Variants in CUX1 observed in about 807,000 individuals in gnomAD.
CUX1 encodes the protein cut like homeobox 1.
Under a neutral mutation model 158.8 loss-of-function variants are expected in CUX1, and 31 were observed. The ratio of observed to expected loss-of-function variants is 0.20; its 90% CI spans 0.15 to 0.26. The LOEUF (loss-of-function observed/expected upper bound fraction) is 0.26, where lower values mean the gene tolerates loss of function less well. CUX1 is among the 10% of genes least tolerant of loss of function. CUX1 has a pLI of 1.00. For missense variants in CUX1, 1,589 were observed against 2,014.6 expected, an observed-to-expected ratio of 0.79 and a Z score of 4.04; for synonymous variants, 879 against 862.1, an observed-to-expected ratio of 1.02 and a Z score of -0.34.
rs181013290 is a variant in CUX1 at position 102,014,704 on chromosome 7, T to C, written c.142-13394T>C. The stretch of plus-strand genomic sequence containing the variant: ...TCTGAGCGTCTTTAAACATAAAATC[T>C]AGTTTCAAAGGTTTAAATTCCCAAG... On this transcript the variant is annotated intron_variant, in intron 2 of 23. Coordinates refer to ENST00000292535, the MANE Select transcript of CUX1 (RefSeq NM_181552.4). 1.8e-4 allele frequency among the ~76,000 whole-genome samples: 27 copies of C among 152,240 alleles called. 1 individual carries two copies. The East Asian group carries it at 4.4e-3, about 25-fold the overall frequency.
At chr7:102,160,844 A>C (rs1477159970) in intron 9 of CUX1, among the ~76,000 whole-genome samples, 3 of 152,210 alleles carry the variant, frequency 2.0e-5, no homozygotes, top group Non-Finnish European at 4.4e-5. Flanking sequence ...TTGCAAGATG[A>C]AAACATTCTG....
At chr7:102,041,328 C>T (rs1822069896) in intron 3 of CUX1, among the ~76,000 whole-genome samples, 1 of 125,080 alleles carries the variant, frequency 8.0e-6, no homozygotes, top group Non-Finnish European at 1.6e-5. Flanking sequence ...TGCAGTGGCT[C>T]ACCATAATCT....
At chr7:101,816,715 C>T (rs1791844645), upstream of CUX1, among the ~76,000 whole-genome samples, 1 of 144,740 alleles carries the variant, frequency 6.9e-6, no homozygotes, top group South Asian at 2.1e-4. Context: ...GGGCTGGTGG[C>T]GCTGTGGTGC....
chr7:101,867,236 AAG>A (rs947933521), intron 1 of CUX1, among the ~76,000 whole-genome samples: 10 of 152,226 alleles, frequency 6.6e-5, no homozygotes, highest in African/African-American at 2.2e-4. Context: ...GAAGTAAAAA[AAG>A]AGAGAGAGAA....
intron 2 of CUX1, among the ~76,000 whole-genome samples, chr7:101,958,479 C>CTTTTTTTT (rs11433173): frequency 5.4e-5 from 6 of 112,098 alleles, no homozygotes; most frequent in Non-Finnish European, 6.9e-5. Context: ...ATTTTCTTTT[C>CTTTTTTTT]TTTTTTTTTT....
Position 102,196,942 on chromosome 7 carries a change from C to T in CUX1, c.1531C>T (p.Pro511Ser). ...GSTSMIFSTG[P>S]YSTNSISSQS... ...CACAAGCATGATTTTTTCAACAGGT[C>T]CATACAGCACAAACTCCATATCTTC... Residue 511 changes from proline to serine, a missense_variant, in exon 15 of 24, where the codon CCA (proline) becomes TCA (serine). Around this residue, in one of 8 missense-constraint regions of CUX1, gnomAD observed 515 missense variants for 574.4 expected, o/e 0.90. Coordinates refer to ENST00000292535, the MANE Select transcript of CUX1 (RefSeq NM_181552.4). 1 of 1,614,190 alleles carries T rather than the reference C, an allele frequency of 6.2e-7. No homozygotes were observed. The highest frequency in any genetic ancestry group is 1.7e-5 in the Admixed American group (1 of 60,018).
At chr7:101,868,859 A>G (rs1798192795) in intron 1 of CUX1, among the ~76,000 whole-genome samples, 1 of 152,200 alleles carries the variant, frequency 6.6e-6, no homozygotes, top group African/African-American at 2.4e-5. Context: ...GGGAAGGGAC[A>G]GAACGGGAGC....
chr7:102,231,319 T>C (rs1016877902), intron 21 of CUX1, among the ~76,000 whole-genome samples: 15 of 131,040 alleles, frequency 1.1e-4, no homozygotes, highest in Admixed American at 8.6e-4. Context: ...CGTGAGCCAC[T>C]GCGCCCAGCC....
chr7:102,060,592 TACAC>T (rs1394583481), intron 3 of CUX1, among the ~76,000 whole-genome samples: 1 of 86,954 alleles, frequency 1.2e-5, no homozygotes, highest in Non-Finnish European at 2.5e-5. Flanking sequence ...TATATATATA[TACAC>T]ACACACAAAT....
rs556974377 is a variant in CUX1 at position 102,071,208 on chromosome 7, CT to C, written c.268+792del. On this transcript the variant is annotated intron_variant, in intron 4 of 23. Coordinates refer to ENST00000292535, the MANE Select transcript of CUX1 (RefSeq NM_181552.4). ...TCCTGGGCTCAAGCTATCCTCCCAC[CT>C]CAGCCTCCTAAAGTGCTGTGAGGTT... 4.6e-5 allele frequency among the ~76,000 whole-genome samples: 7 copies of C among 152,306 alleles called. No individual in the cohort carries two copies. In the East Asian group the frequency reaches 1.4e-3, roughly 29 times the overall value.
Position 102,199,876 on chromosome 7 carries a change from G to A in CUX1, c.1961-195G>A, listed in dbSNP as rs142740197. On this transcript the variant is annotated intron_variant, in intron 16 of 23. Coordinates refer to ENST00000292535, the MANE Select transcript of CUX1 (RefSeq NM_181552.4). ...AGTAACATTGACCGTAAGGTCAAAT[G>A]AGCAGGAAATCCCTCCTGCCCGGTG... Among the ~76,000 whole-genome samples, 292 of 152,340 alleles carry A rather than the reference G, an allele frequency of 1.9e-3. 2 individuals carry two copies. The highest frequency in any genetic ancestry group is 3.4e-3 in the Non-Finnish European group (234 of 68,026).
intron 2 of CUX1, among the ~76,000 whole-genome samples, chr7:101,920,509 C>T (rs531165470): frequency 2.0e-5 from 3 of 152,354 alleles, no homozygotes; most frequent in African/African-American, 7.2e-5. Context: ...GGTCCTCCCA[C>T]TTTGGCCTCC....
At chr7:102,096,218 C>T (rs1427352864) in intron 4 of CUX1, among the ~76,000 whole-genome samples, 2 of 152,356 alleles carry the variant, frequency 1.3e-5, no homozygotes, top group South Asian at 2.1e-4. Flanking sequence ...AGGGCCATGC[C>T]GGGTCACCAG....
chr7:102,229,211 G>T (rs1466300639), intron 21 of CUX1, among the ~76,000 whole-genome samples: 1 of 152,030 alleles, frequency 6.6e-6, no homozygotes, highest in Non-Finnish European at 1.5e-5. Flanking sequence ...ACATGCTCTA[G>T]CCCCCTGGGT....
At chr7:102,063,893 A>G (rs112839468) in intron 3 of CUX1, among the ~76,000 whole-genome samples, 7 of 152,336 alleles carry the variant, frequency 4.6e-5, no homozygotes, top group Admixed American at 2.0e-4. Flanking sequence ...TCCCTGAGTC[A>G]GGCAGCCTTA....
intron 4 of CUX1, among the ~76,000 whole-genome samples, chr7:102,074,966 C>G (rs1826546831): frequency 6.6e-6 from 1 of 152,222 alleles, no homozygotes. Flanking sequence ...TCAAGCGATT[C>G]TCGTGCCTCA....
At chr7:102,208,591 A>G (rs1299834277) in intron 20 of CUX1, among the ~76,000 whole-genome samples, 1 of 152,232 alleles carries the variant, frequency 6.6e-6, no homozygotes, top group African/African-American at 2.4e-5. Context: ...AGTGGTTTTT[A>G]GTAAATCCTT....
At chr7:101,842,502 C>T (rs916754046) in intron 1 of CUX1, among the ~76,000 whole-genome samples, 2 of 152,146 alleles carry the variant, frequency 1.3e-5, no homozygotes, top group African/African-American at 4.8e-5. Context: ...ATTCTTGTGC[C>T]TCAGCCTCCC....
intron 1 of CUX1, among the ~76,000 whole-genome samples, chr7:101,868,471 C>T (rs1220383351): frequency 6.6e-6 from 1 of 152,216 alleles, no homozygotes; most frequent in Non-Finnish European, 1.5e-5. Context: ...CCCCAGGGAC[C>T]TGGCATGTCT....
Sources: allele counts gnomAD v4.1 joint callset (sites outside exome capture counted in the v4.1 genomes callset), GRCh38; gene constraint gnomAD v4.1.1; regional missense constraint gnomAD v4.1.1; transcripts MANE v1.5; gene names NCBI Gene and HGNC (gene_info 2026-07-23, HGNC 2026-07-21).